The following CYLD variants were observed in gnomAD, a reference collection of about 807,000 sequenced individuals.
The protein encoded by CYLD is ubiquitin carboxyl-terminal hydrolase CYLD.
A neutral mutation model predicts 104.5 loss-of-function variants in CYLD; 26 were observed. That is an observed-to-expected ratio of 0.25 (90% CI 0.18 to 0.35). The LOEUF is 0.35. CYLD is among the 10% of genes least tolerant of loss of function. CYLD has a pLI of 1.00. For missense variants in CYLD, 703 were observed against 1,136.1 expected (o/e 0.62, Z 5.48); for synonymous variants, 385 against 399.9 (o/e 0.96, Z 0.45).
intron 2 of CYLD, 59 bp from the exon 3 acceptor site, chr16:50,749,517 A>C (rs7187352): frequency 1.6e-6 from 1 of 622,140 alleles, no homozygotes; most frequent in African/African-American, 1.8e-5. Flanking sequence ...ATGTAGAATG[A>C]AGTCTAAAGT....
Position 50,794,580 on chromosome 16 carries a change from T to A in CYLD, c.2686+152T>A. ...AACAGTCTTATATCTTGGATTGCATTAACAACCTTGCTAGCTGAACTAAGG... is the reference window on the plus strand; with the variant it reads ...AACAGTCTTATATCTTGGATTGCATAAACAACCTTGCTAGCTGAACTAAGG... On this transcript the variant is annotated intron_variant, in intron 18 of 18. Coordinates refer to ENST00000427738, the MANE Select transcript of CYLD (RefSeq NM_001378743.1). This position sits in a 1 kb window ranked among gnomAD's most constrained non-coding sequence, Gnocchi z 4.1. The A allele has an allele frequency of 1.3e-6, 1 of 780,000 alleles. No homozygotes were observed. The highest frequency in any genetic ancestry group is 2.2e-6 in the Non-Finnish European group (1 of 448,672). The allele number at this position is 780,000 out of a possible 1,614,324, so 48.3% of individuals were successfully genotyped here. A position where few individuals can be genotyped will look rare whatever the true frequency, so the allele number is the denominator to read the frequency against.
At chr16:50,786,520 G>C (rs1396549234) in intron 12 of CYLD, 2 of 223,230 alleles carry the variant, frequency 9.0e-6, no homozygotes. Context: ...AGCACTTTGG[G>C]AGGCCGAGGT....
At position 50,779,857 on chromosome 16, in the gene CYLD, C is replaced by G. The variant is rs371683706; in HGVS notation, c.1331C>G (p.Ser444Cys). Reference sequence around the variant, plus strand: ...AGTCCACTTTCTCTGTCAGCCCAGTCTGTAATGGAAGAGCTAAACACTGCA... The same window carrying G: ...AGTCCACTTTCTCTGTCAGCCCAGTGTGTAATGGAAGAGCTAAACACTGCA... ...GHSPLSLSAQ[S>C]VMEELNTAPV... The change falls in exon 9 of 19, where the codon TCT becomes TGT. Residue 444 changes from serine (S) to cysteine (C), a missense_variant. Ser to Cys is a moderately radical substitution (Grantham distance 112). Coordinates refer to ENST00000427738, the MANE Select transcript of CYLD (RefSeq NM_001378743.1). 9.3e-6 allele frequency: 15 copies of G among 1,614,038 alleles called. No individual in the cohort carries two copies. Among genetic ancestry groups the G allele is most frequent in the East Asian group, 6.7e-5 (3 of 44,866 alleles).
At chr16:50,757,426 T>C (rs1348602738) in intron 5 of CYLD, among the ~76,000 whole-genome samples, 1 of 152,224 alleles carries the variant, frequency 6.6e-6, no homozygotes, top group Non-Finnish European at 1.5e-5. Context: ...TTATTGCAAA[T>C]TGAATTCCTA....
In CYLD at chr16:50,797,621, A is replaced by G. The variant is rs1972156018; in HGVS notation, c.*1113A>G. On this transcript the variant is annotated 3_prime_UTR_variant, in exon 19 of 19. Transcript: ENST00000427738. ...GTTTAGACCACAGCGGATGTTGTAG[A>G]CCAGGACCATAGATGATACATGTCA... 2 of 232,904 alleles carry G rather than the reference A, an allele frequency of 8.6e-6. No individual in the cohort carries two copies. Among genetic ancestry groups the G allele is most frequent in the Admixed American group, 1.1e-4 (2 of 17,766 alleles). 14.4% of individuals were successfully genotyped at this position (232,904 alleles called of 1,614,324 possible).
intron 13 of CYLD, 94 bp downstream of exon 13, chr16:50,787,040 G>A (rs777508232): frequency 3.7e-6 from 4 of 1,081,354 alleles, no homozygotes; most frequent in East Asian, 4.7e-5. Flanking sequence ...TAGTTGGGGG[G>A]TTTTCTTTTA....
chr16:50,797,228 G>A lies in CYLD; in HGVS notation c.*720G>A, dbSNP rs572542849. ...CAGTTGAAGCTCTTCATTCATAGTAGTTACTGTCAGCTAACAGGTTTTTTA... is the reference window on the plus strand; with the variant it reads ...CAGTTGAAGCTCTTCATTCATAGTAATTACTGTCAGCTAACAGGTTTTTTA... On this transcript the variant is annotated 3_prime_UTR_variant, in exon 19 of 19. Coordinates refer to ENST00000427738, the MANE Select transcript of CYLD (RefSeq NM_001378743.1). The A allele has an allele frequency of 4.3e-5, 10 of 232,608 alleles. No individual in the cohort carries two copies. Among genetic ancestry groups the A allele is most frequent in the African/African-American group, 2.2e-4 (10 of 45,408 alleles). The allele number at this position is 232,608 out of a possible 1,614,324, so 14.4% of individuals were successfully genotyped here.
intron 11 of CYLD, among the ~76,000 whole-genome samples, chr16:50,783,195 G>A (rs1280083608): frequency 6.6e-6 from 1 of 152,084 alleles, no homozygotes; most frequent in African/African-American, 2.4e-5. Context: ...GCCTCCCAAA[G>A]TGCTTGGGAT....
Position 50,798,299 on chromosome 16 carries a change from G to A in CYLD, c.*1791G>A, listed in dbSNP as rs1211697747. 1 of 231,654 alleles carries A rather than the reference G, an allele frequency of 4.3e-6. No homozygotes were observed. The highest frequency in any genetic ancestry group is 6.1e-5 in the East Asian group (1 of 16,422). 14.3% of individuals were successfully genotyped at this position (231,654 alleles called of 1,614,324 possible). The stretch of plus-strand genomic sequence containing the variant: ...TCCATGGATTCAACCAACTGCAAAT[G>A]GAAAATACGATTTTTTTTAAAAAAA... On this transcript the variant is annotated 3_prime_UTR_variant, in exon 19 of 19. Transcript: ENST00000427738.
chr16:50,771,718 T>A (rs1597031567), intron 5 of CYLD, among the ~76,000 whole-genome samples: 1 of 152,366 alleles, frequency 6.6e-6, no homozygotes, highest in South Asian at 2.1e-4. Flanking sequence ...ATAATCTATT[T>A]TGAGTTAATT....
intron 4 of CYLD, among the ~76,000 whole-genome samples, chr16:50,752,567 C>G (rs1422727970): frequency 6.6e-6 from 1 of 152,140 alleles, no homozygotes; most frequent in Non-Finnish European, 1.5e-5. Flanking sequence ...AGTGTGCATA[C>G]AGTGGCATTA....
intron 5 of CYLD, among the ~76,000 whole-genome samples, chr16:50,762,162 C>G (rs1469020006): frequency 6.6e-6 from 1 of 152,134 alleles, no homozygotes; most frequent in South Asian, 2.1e-4. Context: ...ATCATCCACC[C>G]CCCGCCACCC....
intron 6 of CYLD, among the ~76,000 whole-genome samples, chr16:50,775,851 A>T (rs886583430): frequency 3.3e-5 from 5 of 152,168 alleles, no homozygotes; most frequent in Non-Finnish European, 7.3e-5. Flanking sequence ...GCTGTAAAAA[A>T]CCGAGTAAGA....
In CYLD at chr16:50,794,556, A is replaced by G; in HGVS notation, c.2686+128A>G. The stretch of plus-strand genomic sequence containing the variant: ...TCCTTTCAGGATTATTCTGGTGACA[A>G]CAGTCTTATATCTTGGATTGCATTA... On this transcript the variant is annotated intron_variant, in intron 18 of 18. Coordinates refer to ENST00000427738, the MANE Select transcript of CYLD (RefSeq NM_001378743.1). The surrounding 1 kb of genome is among the most constrained non-coding windows in gnomAD (Gnocchi z 4.1). 2.3e-6 allele frequency: 2 copies of G among 888,430 alleles called. No individual in the cohort carries two copies. The highest frequency in any genetic ancestry group is 3.7e-6 in the Non-Finnish European group (2 of 536,110). The allele number at this position is 888,430 out of a possible 1,614,324, so 55.0% of individuals were successfully genotyped here. A position where few individuals can be genotyped will look rare whatever the true frequency, so the allele number is the denominator to read the frequency against.
chr16:50,760,562 G>A (rs906341671), intron 5 of CYLD, among the ~76,000 whole-genome samples: 1 of 152,010 alleles, frequency 6.6e-6, no homozygotes, highest in African/African-American at 2.4e-5. Context: ...ACACTATTCT[G>A]CTGTTTGCTT....
intron 5 of CYLD, among the ~76,000 whole-genome samples, chr16:50,757,358 C>T (rs1243867920): frequency 1.3e-5 from 2 of 152,122 alleles, no homozygotes; most frequent in Admixed American, 1.3e-4. Flanking sequence ...TTCAATTTTA[C>T]TTCTTCAAAG....
chr16:50,768,070 TATC>T (rs757701465), intron 5 of CYLD, among the ~76,000 whole-genome samples: 68 of 152,206 alleles, frequency 4.5e-4, no homozygotes, highest in Non-Finnish European at 8.7e-4. Context: ...AATCAGTAGT[TATC>T]ATTGTCATTA....
intron 12 of CYLD, chr16:50,784,798 G>C: frequency 3.8e-6 from 1 of 263,882 alleles, no homozygotes; most frequent in South Asian, 4.1e-5. Context: ...TCTGCTACAA[G>C]TAATCATGCT....
chr16:50,784,295 C>T (rs776809389), intron 11 of CYLD, 34 bp from the exon 12 acceptor site: 2 of 1,607,700 alleles, frequency 1.2e-6, no homozygotes, highest in East Asian at 2.2e-5. Context: ...AATATGTTTA[C>T]AGCATGAAGA....
Sources: allele counts gnomAD v4.1 joint callset (sites outside exome capture counted in the v4.1 genomes callset), GRCh38; gene constraint gnomAD v4.1.1; non-coding constraint Gnocchi (gnomAD v3.1); transcripts MANE v1.5; gene names NCBI Gene and HGNC (gene_info 2026-07-23, HGNC 2026-07-21).